OPCML: variants seen among roughly 807,000 people sequenced by gnomAD.
OPCML encodes opioid-binding protein/cell adhesion molecule.
OPCML carries 13 observed loss-of-function variants against 37.8 expected under a neutral mutation model. That is an observed-to-expected ratio of 0.34 (90% CI 0.22 to 0.55). The LOEUF (loss-of-function observed/expected upper bound fraction) is 0.55. Ranked by LOEUF, OPCML falls within the 20% of genes least tolerant of loss-of-function variation. The pLI, the probability that OPCML is intolerant of heterozygous loss-of-function variation, is 0.91. For missense variants in OPCML, 341 were observed against 435.6 expected, an observed-to-expected ratio of 0.78 and a Z score of 1.93; for synonymous variants, 176 against 168.8, an observed-to-expected ratio of 1.04 and a Z score of -0.33.
chr11:132,870,759 A>G (rs769900172), intron 2 of OPCML, among the ~76,000 whole-genome samples: 1 of 152,246 alleles, frequency 6.6e-6, no homozygotes, highest in Non-Finnish European at 1.5e-5. Flanking sequence ...GAGCAACATC[A>G]ATGAACCTAG....
At chr11:133,172,668 A>G (rs1048720232) in intron 1 of OPCML, among the ~76,000 whole-genome samples, 1 of 152,132 alleles carries the variant, frequency 6.6e-6, no homozygotes, top group East Asian at 1.9e-4. Flanking sequence ...CAGCAGGAGG[A>G]GCAGATTTGA....
chr11:132,792,622 C>T (rs1449041718), intron 2 of OPCML, among the ~76,000 whole-genome samples: 1 of 152,072 alleles, frequency 6.6e-6, no homozygotes, highest in Non-Finnish European at 1.5e-5. Context: ...TCTTTGCTGG[C>T]TTGGGAAGTG....
chr11:133,523,691 A>G (rs1422370424), intron 1 of OPCML, among the ~76,000 whole-genome samples: 1 of 152,178 alleles, frequency 6.6e-6, no homozygotes, highest in African/African-American at 2.4e-5. Context: ...ACCCCTTACC[A>G]GGCTGCCAGC....
rs887159869 is a variant in OPCML at position 133,211,014 on chromosome 11, T to TA, written c.62-268005dup. On this transcript the variant is annotated intron_variant, in intron 1 of 7. Coordinates refer to ENST00000524381, the MANE Select transcript of OPCML (RefSeq NM_001012393.5). This position sits in a 1 kb window ranked among gnomAD's most constrained non-coding sequence, Gnocchi z 4.1. ...AAGGATTTAGCTGAAAAACAAAAAT[T>TA]AAAAAAATGTGCAGAGAAGTCTCTC... Among the ~76,000 whole-genome samples the TA allele has an allele frequency of 9.9e-5, 15 of 152,168 alleles. No individual in the cohort carries two copies. Among genetic ancestry groups the TA allele is most frequent in the African/African-American group, 3.1e-4 (13 of 41,510 alleles).
intron 2 of OPCML, among the ~76,000 whole-genome samples, chr11:132,841,735 C>T (rs982949423): frequency 6.6e-6 from 1 of 151,560 alleles, no homozygotes; most frequent in Non-Finnish European, 1.5e-5. Context: ...GTGGTGAGAG[C>T]CTGTAATGCC....
intron 2 of OPCML, among the ~76,000 whole-genome samples, chr11:132,724,752 C>T (rs992787318): frequency 4.6e-5 from 7 of 152,262 alleles, no homozygotes; most frequent in Admixed American, 2.6e-4. Flanking sequence ...GGGGTACAGG[C>T]ATTGGGTAAA....
At chr11:132,596,421 T>C (rs1460539336) in intron 3 of OPCML, among the ~76,000 whole-genome samples, 1 of 152,184 alleles carries the variant, frequency 6.6e-6, no homozygotes, top group Non-Finnish European at 1.5e-5. Context: ...TTTATGAACA[T>C]TTATTCTATG....
In OPCML at chr11:132,420,350, C is replaced by T. The variant is rs2095953915; in HGVS notation, c.917-57G>A. On this transcript the variant is annotated intron_variant, in intron 7 of 7. Coordinates refer to ENST00000524381, the MANE Select transcript of OPCML (RefSeq NM_001012393.5). ...GCATACACCCAAGGACACCATAGTT[C>T]TTCCCTGACAAGCAAATACACATAC... The T allele has an allele frequency of 4.4e-6, 7 of 1,597,152 alleles. No individual in the cohort carries two copies. The Admixed American group carries it at 5.2e-5, about 12-fold the overall frequency.
intron 1 of OPCML, among the ~76,000 whole-genome samples, chr11:133,015,073 T>C (rs1947295065): frequency 6.6e-6 from 1 of 152,178 alleles, no homozygotes; most frequent in Admixed American, 6.5e-5. Flanking sequence ...ACAAACAGCA[T>C]AATGTTCTCT....
At chr11:132,904,920 C>A (rs1944183259) in intron 2 of OPCML, among the ~76,000 whole-genome samples, 1 of 152,210 alleles carries the variant, frequency 6.6e-6, no homozygotes, top group Non-Finnish European at 1.5e-5. Flanking sequence ...CAATGTTCAA[C>A]AATAAAACGA....
chr11:132,611,789 G>T (rs932712841), intron 3 of OPCML, among the ~76,000 whole-genome samples: 1 of 152,138 alleles, frequency 6.6e-6, no homozygotes, highest in African/African-American at 2.4e-5. Context: ...TAATTTAATT[G>T]GAGGCAGTAG....
intron 1 of OPCML, among the ~76,000 whole-genome samples, chr11:133,034,434 A>C (rs1439067001): frequency 6.6e-6 from 1 of 152,090 alleles, no homozygotes; most frequent in Non-Finnish European, 1.5e-5. Flanking sequence ...ACCTTAGGCC[A>C]GTACCTGTCA....
chr11:133,505,661 C>A (rs1276442374), intron 1 of OPCML, among the ~76,000 whole-genome samples: 3 of 152,218 alleles, frequency 2.0e-5, no homozygotes, highest in Admixed American at 1.3e-4. Context: ...TCCAGTGCCC[C>A]TGTCTTATAA....
rs1222592471 is a variant in OPCML at position 133,173,998 on chromosome 11, G to A, written c.62-230988C>T. On this transcript the variant is annotated intron_variant, in intron 1 of 7. Coordinates refer to ENST00000524381, the MANE Select transcript of OPCML (RefSeq NM_001012393.5). The surrounding 1 kb of genome is among the most constrained non-coding windows in gnomAD (Gnocchi z 7.8). ...GCACCGGGACGCTGACATAAATCAG[G>A]GGCAGCAACGGATGAGCATGGAGAA... 6.6e-6 allele frequency among the ~76,000 whole-genome samples: 1 copy of A among 152,176 alleles called. No homozygotes were observed.
intron 3 of OPCML, among the ~76,000 whole-genome samples, chr11:132,550,529 G>A (rs948156114): frequency 1.3e-5 from 2 of 152,296 alleles, no homozygotes; most frequent in East Asian, 3.9e-4. Context: ...CAATGTCAAT[G>A]CCATACTCCC....
intron 2 of OPCML, among the ~76,000 whole-genome samples, chr11:132,874,726 G>C (rs1248567321): frequency 3.3e-5 from 5 of 152,278 alleles, no homozygotes; most frequent in African/African-American, 1.2e-4. Flanking sequence ...GAAACCTTAA[G>C]GTGGCTTAGC....
At chr11:132,931,224 A>C (rs1182712572) in intron 2 of OPCML, among the ~76,000 whole-genome samples, 1 of 152,168 alleles carries the variant, frequency 6.6e-6, no homozygotes, top group Non-Finnish European at 1.5e-5. Flanking sequence ...ATTTTAAGAT[A>C]GGAAAAAAGC....
chr11:132,593,151 G>T (rs903944588), intron 3 of OPCML, among the ~76,000 whole-genome samples: 1 of 152,188 alleles, frequency 6.6e-6, no homozygotes, highest in Non-Finnish European at 1.5e-5. Flanking sequence ...ATGGCACTGG[G>T]CAGGAGCCTG....
chr11:133,394,943 C>A (rs1417774103), intron 1 of OPCML, among the ~76,000 whole-genome samples: 1 of 152,186 alleles, frequency 6.6e-6, no homozygotes, highest in Non-Finnish European at 1.5e-5. Flanking sequence ...TTCTGAGGAA[C>A]TTCCAAACTG....
Sources: allele counts gnomAD v4.1 joint callset (sites outside exome capture counted in the v4.1 genomes callset), GRCh38; gene constraint gnomAD v4.1.1; non-coding constraint Gnocchi (gnomAD v3.1); transcripts MANE v1.5; gene names NCBI Gene and HGNC (gene_info 2026-07-23, HGNC 2026-07-21).